C19orf53: variants seen among roughly 807,000 people sequenced by gnomAD.
C19orf53 encodes chromosome 19 open reading frame 53, also known as leydig cell tumor 10 kDa protein homolog.
A neutral mutation model predicts 6.5 loss-of-function variants in C19orf53; 9 were observed. The observed-to-expected ratio is 1.38, with a 90% CI of 0.83 to 2.40. The LOEUF (loss-of-function observed/expected upper bound fraction) is 2.40, where lower values mean the gene tolerates loss of function less well. Among genes scored for constraint, C19orf53 ranks in the 30% most tolerant of loss-of-function variants. C19orf53 has a pLI of 0.00. For missense variants in C19orf53, 166 were observed against 129.7 expected (o/e 1.28, Z -1.36); for synonymous variants, 68 against 52.5 (o/e 1.29, Z -1.27).
chr19:13,775,240 C>T (rs1411574145), intron 2 of C19orf53, among the ~76,000 whole-genome samples: 2 of 152,108 alleles, frequency 1.3e-5, no homozygotes, highest in African/African-American at 4.8e-5. Context: ...CTTTGTAAAC[C>T]TAGAACAGCA....
At chr19:13,775,784 T>TA in intron 2 of C19orf53, among the ~76,000 whole-genome samples, 1 of 152,242 alleles carries the variant, frequency 6.6e-6, no homozygotes, top group Admixed American at 6.6e-5. Context: ...CTGGCCCGCT[T>TA]ACCTCCGTGG....
At chr19:13,775,826 G>A (rs1349281459) in intron 2 of C19orf53, among the ~76,000 whole-genome samples, 2 of 152,040 alleles carry the variant, frequency 1.3e-5, no homozygotes, top group African/African-American at 4.8e-5. Flanking sequence ...CTTGCACTCA[G>A]CATGTCCAAA....
chr19:13,777,968 G>A (rs909790468), intron 2 of C19orf53, 84 bp from the exon 3 acceptor site: 35 of 1,507,634 alleles, frequency 2.3e-5, no homozygotes, highest in Non-Finnish European at 2.9e-5. Context: ...AGCCCCCTGC[G>A]AGCTCTAGCC....
intron 2 of C19orf53, among the ~76,000 whole-genome samples, chr19:13,777,108 C>T (rs1189984961): frequency 1.3e-5 from 2 of 152,088 alleles, no homozygotes; most frequent in Non-Finnish European, 2.9e-5. Context: ...CCCGCCACCA[C>T]ACCTGGCTAC....
chr19:13,774,961 T>C (rs150772566), intron 2 of C19orf53: 40 of 560,216 alleles, frequency 7.1e-5, no homozygotes, highest in East Asian at 6.5e-4. Flanking sequence ...GGACGAGAGA[T>C]GAAATCTGGA....
In C19orf53 at chr19:13,774,955, G is replaced by T; in HGVS notation, c.153+248G>T. 1.4e-5 allele frequency: 8 copies of T among 570,698 alleles called. No individual in the cohort carries two copies. In the Admixed American group the frequency reaches 2.2e-4, roughly 16 times the overall value. 35.4% of individuals were successfully genotyped at this position (570,698 alleles called of 1,614,324 possible). A position where few individuals can be genotyped will look rare whatever the true frequency, so the allele number is the denominator to read the frequency against. ...AGGGGCTGGGGGACGTGCTAGGGAC[G>T]AGAGATGAAATCTGGAGGCCGGCGA... is the stretch of plus-strand genomic sequence containing the variant. On this transcript the variant is annotated intron_variant, in intron 2 of 2. Transcript: ENST00000588234.
chr19:13,777,333 C>A (rs1599563493), intron 2 of C19orf53, among the ~76,000 whole-genome samples: 1 of 152,058 alleles, frequency 6.6e-6, no homozygotes, highest in South Asian at 2.1e-4. Context: ...GCAGCCTGGA[C>A]CTCCTGGGCT....
chr19:13,774,877 A>C, intron 2 of C19orf53, 170 bp downstream of exon 2: 1 of 872,660 alleles, frequency 1.1e-6, no homozygotes, highest in Non-Finnish European at 1.7e-6. Flanking sequence ...TTAGGAGCGA[A>C]GGATGGAGCC....
chr19:13,775,532 G>A (rs573849882), intron 2 of C19orf53: 2 of 152,104 alleles, frequency 1.3e-5, no homozygotes, highest in African/African-American at 2.4e-5. Flanking sequence ...GCATCCTCCC[G>A]CCTCTGCCTC....
chr19:13,777,194 T>C (rs1025737942), intron 2 of C19orf53, among the ~76,000 whole-genome samples: 1 of 152,022 alleles, frequency 6.6e-6, no homozygotes, highest in Non-Finnish European at 1.5e-5. Context: ...TCAGGTGATA[T>C]GCCTGCCTTG....
At chr19:13,777,377 AC>A (rs1974381964) in intron 2 of C19orf53, among the ~76,000 whole-genome samples, 1 of 151,770 alleles carries the variant, frequency 6.6e-6, no homozygotes, top group African/African-American at 2.4e-5. Flanking sequence ...AGAGGCACGC[AC>A]CAGCACACCG....
chr19:13,775,181 G>A (rs561848797), intron 2 of C19orf53, among the ~76,000 whole-genome samples: 38 of 152,226 alleles, frequency 2.5e-4, no homozygotes, highest in Admixed American at 7.2e-4. Context: ...TTCTTTAATT[G>A]AACTCAGGAA....
At chr19:13,776,124 ATTT>A (rs57201742) in intron 2 of C19orf53, among the ~76,000 whole-genome samples, 1,135 of 84,880 alleles carry the variant, frequency 0.013, 11 homozygotes, top group South Asian at 0.021. Flanking sequence ...CACCGGGCTA[ATTT>A]TTTTTTTTTT....
rs747774646 is a variant in C19orf53, at chr19:13,774,467, C to T, written c.-11C>T. On this transcript the variant is annotated 5_prime_UTR_variant, in exon 1 of 3. Coordinates refer to ENST00000588234, the MANE Select transcript of C19orf53 (RefSeq NM_014047.3). The stretch of plus-strand genomic sequence containing the variant: ...GCTCACAGTCCCGCCTCTTCCGCTG[C>T]GTGCCGGACCATGGCGCAGGGGCAG... The T allele has an allele frequency of 4.4e-6, 7 of 1,591,808 alleles. No homozygotes were observed. In the East Asian group the frequency reaches 9.2e-5, roughly 21 times the overall value.
chr19:13,774,798 G>C, intron 2 of C19orf53, 91 bp downstream of exon 2: 1 of 1,481,926 alleles, frequency 6.7e-7, no homozygotes, highest in Non-Finnish European at 9.2e-7. Context: ...TGGAGCCCGG[G>C]GATCAGTGAG....
rs1306676670 is a variant in C19orf53, at chr19:13,774,524, G to T, written c.47G>T (p.Ser16Ile). ...RKFQAHKPAK[S>I]KTAAAASEKN... ...TTTCAGGCGCACAAACCCGCAAAGA[G>T]TAAGACGGCAGCGGCAGCCTCTGAA... is the stretch of plus-strand genomic sequence containing the variant. The change falls in exon 1 of 3, where the codon AGT becomes ATT. Residue 16 changes from serine (S) to isoleucine (I), a missense_variant. By Grantham distance (142) the Ser-to-Ile change is moderately radical. Transcript: ENST00000588234. The T allele has an allele frequency of 1.2e-6, 2 of 1,613,852 alleles. No individual in the cohort carries two copies. Among genetic ancestry groups the T allele is most frequent in the South Asian group, 1.1e-5 (1 of 91,086 alleles).
intron 2 of C19orf53, among the ~76,000 whole-genome samples, chr19:13,777,596 A>G (rs1599563618): frequency 6.6e-6 from 1 of 152,210 alleles, no homozygotes; most frequent in Non-Finnish European, 1.5e-5. Flanking sequence ...TGGGGTTCAC[A>G]CTGCTGGTTT....
Position 13,778,388 on chromosome 19 carries a change from A to G in C19orf53, c.*190A>G, listed in dbSNP as rs181505761. ...CCAGGAAGATACAGTCACTAACTTC[A>G]TCTGTCCCCGTGCCCCTTCCCAGGT... On this transcript the variant is annotated 3_prime_UTR_variant, in exon 3 of 3. Coordinates refer to ENST00000588234, the MANE Select transcript of C19orf53 (RefSeq NM_014047.3). The G allele has an allele frequency of 1.1e-4, 67 of 619,858 alleles. No homozygotes were observed. The African/African-American group carries it at 1.1e-3, about 10-fold the overall frequency. 38.4% of individuals were successfully genotyped at this position (619,858 alleles called of 1,614,324 possible).
chr19:13,774,679 G>C lies in C19orf53; in HGVS notation c.125G>C (p.Arg42Pro). 1 of 1,609,094 alleles carries C rather than the reference G, an allele frequency of 6.2e-7. No individual in the cohort carries two copies. Among genetic ancestry groups the C allele is most frequent in the Non-Finnish European group, 8.5e-7 (1 of 1,175,830 alleles). Reference protein sequence around the residue: ...GGRVIAPKKARVVQQQKLKKN... With the variant: ...GGRVIAPKKAPVVQQQKLKKN... ...CGTGTTATCGCTCCCAAGAAGGCGC[G>C]CGTCGTGCAGCAGCAAAAGCTCAAG... Residue 42 changes from arginine to proline, a missense_variant, in exon 2 of 3, where the codon CGC becomes CCC. Coordinates refer to ENST00000588234, the MANE Select transcript of C19orf53 (RefSeq NM_014047.3).
Sources: gnomAD v4.1 joint callset for allele counts (sites outside exome capture counted in the v4.1 genomes callset) on GRCh38, gnomAD v4.1.1 for gene constraint, MANE v1.5 for transcripts, NCBI Gene and HGNC (gene_info 2026-07-23, HGNC 2026-07-21) for gene names.